The following MYO7B variants were observed in gnomAD, a reference collection of about 807,000 sequenced individuals.
MYO7B encodes the protein myosin VIIB.
A neutral mutation model predicts 259.7 loss-of-function variants in MYO7B; 212 were observed. The ratio of observed to expected loss-of-function variants is 0.82; its 90% CI spans 0.73 to 0.91. The LOEUF (loss-of-function observed/expected upper bound fraction) is 0.91. MYO7B is among the 40% of genes least tolerant of loss of function. The pLI is 0.00. For missense variants in MYO7B, 2,732 were observed against 2,813.5 expected, an observed-to-expected ratio of 0.97 and a Z score of 0.66; for synonymous variants, 1,197 against 1,166.4, an observed-to-expected ratio of 1.03 and a Z score of -0.54.
chr2:127,578,703 C>T (rs974483655), intron 9 of MYO7B, among the ~76,000 whole-genome samples: 3 of 152,136 alleles, frequency 2.0e-5, no homozygotes, highest in Admixed American at 2.0e-4. Flanking sequence ...AAAGCACCAG[C>T]AAGTTAGATT....
At chr2:127,549,898 T>C (rs1693382667) in intron 1 of MYO7B, among the ~76,000 whole-genome samples, 1 of 152,152 alleles carries the variant, frequency 6.6e-6, no homozygotes, top group African/African-American at 2.4e-5. Context: ...TTACCCCAAA[T>C]AATCAAACTG....
At chr2:127,564,772 GT>G (rs1268317197) in intron 3 of MYO7B, among the ~76,000 whole-genome samples, 1 of 152,220 alleles carries the variant, frequency 6.6e-6, no homozygotes, top group Admixed American at 6.5e-5. Flanking sequence ...CCAAGGAGAA[GT>G]TTCTAGGCTG....
intron 7 of MYO7B, among the ~76,000 whole-genome samples, chr2:127,575,068 G>GGGATGT: frequency 6.6e-6 from 1 of 152,292 alleles, no homozygotes; most frequent in East Asian, 1.9e-4. Flanking sequence ...ACCAACAGAG[G>GGGATGT]GGCTGTGGCT....
In MYO7B at chr2:127,631,260, T is replaced by C; in HGVS notation, c.4992T>C (p.Arg1664=). The C allele has an allele frequency of 6.2e-7, 1 of 1,611,272 alleles. No homozygotes were observed. The highest frequency in any genetic ancestry group is 8.5e-7 in the Non-Finnish European group (1 of 1,178,822). ...SMAVLPLARA[R]GHLWAYSCEP... The stretch of plus-strand genomic sequence containing the variant: ...CCGTGCTGCCCCTGGCCCGTGCCCG[T>C]GGCCACCTGTGGGCCTATTCCTGCG... Residue 1664 remains arginine, a synonymous_variant, in exon 37 of 48, where the codon CGT becomes CGC. Coordinates refer to ENST00000409816, the MANE Select transcript of MYO7B (RefSeq NM_001393586.1).
chr2:127,581,589 A>G (rs1679099870), intron 10 of MYO7B, among the ~76,000 whole-genome samples: 1 of 152,110 alleles, frequency 6.6e-6, no homozygotes, highest in East Asian at 1.9e-4. Flanking sequence ...GACTGATTTC[A>G]GTCAGGACAT....
chr2:127,558,304 T>G (rs1677912217), intron 1 of MYO7B, among the ~76,000 whole-genome samples: 1 of 152,186 alleles, frequency 6.6e-6, no homozygotes, highest in Admixed American at 6.5e-5. Flanking sequence ...TGATACCACC[T>G]TACTCCTACA....
Position 127,612,668 on chromosome 2 carries a change from A to G in MYO7B, c.3398+65A>G, listed in dbSNP as rs1017369673. ...AGATGCCCTCACTGGCTCTCAGCCCATGGCCACAGCCTCCCCCACCACCCC... is the reference window on the plus strand; with the variant it reads ...AGATGCCCTCACTGGCTCTCAGCCCGTGGCCACAGCCTCCCCCACCACCCC... On this transcript the variant is annotated intron_variant, in intron 26 of 47. Coordinates refer to ENST00000409816, the MANE Select transcript of MYO7B (RefSeq NM_001393586.1). 2.4e-5 allele frequency: 38 copies of G among 1,569,132 alleles called. No homozygotes were observed. In the Admixed American group the frequency reaches 3.7e-4, roughly 15 times the overall value.
Position 127,631,674 on chromosome 2 carries a change from A to G in MYO7B, c.5170A>G (p.Thr1724Ala), listed in dbSNP as rs1307646995. 6.2e-7 allele frequency: 1 copy of G among 1,613,020 alleles called. No individual in the cohort carries two copies. Among genetic ancestry groups the G allele is most frequent in the East Asian group, 2.2e-5 (1 of 44,882 alleles). The change falls in exon 38 of 48, where the codon ACA becomes GCA. Residue 1724 changes from threonine (T) to alanine (A), a missense_variant. Physicochemically the swap from Thr to Ala is moderately conservative, Grantham distance 58. This residue lies in a region of MYO7B where 821 missense variants were observed against 769.3 expected (regional missense o/e 1.07). Transcript: ENST00000409816. ...CCTGGAGCTCACCGACCAGATCTTC[A>G]CACTGGCCCTGCAGCACCCGGCCCT... ...PTLELTDQIF[T>A]LALQHPALQD...
chr2:127,578,085 T>G (rs1421672999), intron 8 of MYO7B, 48 bp from the exon 9 acceptor site: 1 of 1,601,400 alleles, frequency 6.2e-7, no homozygotes, highest in South Asian at 1.1e-5. Flanking sequence ...AGGAGGGAGG[T>G]GGTGGGGCAG....
Position 127,573,946 on chromosome 2 carries a change from AACG to A in MYO7B, c.622_624del (p.Asp208del). ...CTTTGGAAATGCCAAGACAATCCGCAACGACAACTCAAGCCGCTTTGGGAAGTA... is the reference window on the plus strand; with the variant it reads ...CTTTGGAAATGCCAAGACAATCCGCAACAACTCAAGCCGCTTTGGGAAGTA... On this transcript the variant is annotated inframe_deletion, in exon 7 of 48. Coordinates refer to ENST00000409816, the MANE Select transcript of MYO7B (RefSeq NM_001393586.1). 6.2e-7 allele frequency: 1 copy of A among 1,614,056 alleles called. No individual in the cohort carries two copies. The highest frequency in any genetic ancestry group is 8.5e-7 in the Non-Finnish European group (1 of 1,179,900).
chr2:127,624,498 T>C (rs978629417), intron 30 of MYO7B, among the ~76,000 whole-genome samples, 178 bp downstream of exon 30: 1 of 152,182 alleles, frequency 6.6e-6, no homozygotes, highest in Admixed American at 6.5e-5. Flanking sequence ...AGGCCACAGG[T>C]ATGTCCAAGC....
intron 17 of MYO7B, 131 bp downstream of exon 17, chr2:127,593,077 C>A (rs1679630682): frequency 4.2e-6 from 5 of 1,196,388 alleles, no homozygotes; most frequent in Non-Finnish European, 5.8e-6. Flanking sequence ...TGAGCCCTGT[C>A]CTTCCTCCCT....
chr2:127,631,318 C>T lies in MYO7B; in HGVS notation c.5050C>T (p.His1684Tyr), dbSNP rs770288893. Reference protein sequence around the residue: ...PLRQPLLKRVHANVDLWDIAC... With the variant: ...PLRQPLLKRVYANVDLWDIAC... Reference sequence around the variant, plus strand: ...GCGACAGCCGCTGCTCAAGCGAGTCCACGCCAACGTCGACCTCTGGGACAT... The same window carrying T: ...GCGACAGCCGCTGCTCAAGCGAGTCTACGCCAACGTCGACCTCTGGGACAT... Residue 1684 changes from histidine to tyrosine, a missense_variant, in exon 37 of 48, where the codon CAC becomes TAC. By Grantham distance (83) the His-to-Tyr change is moderately conservative. Transcript: ENST00000409816. 6 of 1,612,046 alleles carry T rather than the reference C, an allele frequency of 3.7e-6. No homozygotes were observed. The highest frequency in any genetic ancestry group is 3.3e-5 in the South Asian group (3 of 91,054).
intron 1 of MYO7B, among the ~76,000 whole-genome samples, chr2:127,558,709 C>T (rs907285702): frequency 1.1e-4 from 16 of 152,058 alleles, no homozygotes; most frequent in African/African-American, 3.9e-4. Flanking sequence ...TACTACTCAG[C>T]CATAAAAAGG....
At chr2:127,587,811 C>T (rs1302187850) in intron 14 of MYO7B, among the ~76,000 whole-genome samples, 1 of 152,148 alleles carries the variant, frequency 6.6e-6, no homozygotes, top group Non-Finnish European at 1.5e-5. Context: ...TTGTGATCCA[C>T]CTGCCTCAGC....
rs556507548 is a variant in MYO7B, at chr2:127,630,560, G to A, written c.4807-218G>A. On this transcript the variant is annotated intron_variant, in intron 35 of 47. Transcript: ENST00000409816. ...GGGTGATGTGGGTGCCACAGCCATT[G>A]GCACTCACCCTCCCAAGGGAAAGGA... is the stretch of plus-strand genomic sequence containing the variant. 5.9e-5 allele frequency among the ~76,000 whole-genome samples: 9 copies of A among 152,280 alleles called. No individual in the cohort carries two copies. In the East Asian group the frequency reaches 7.7e-4, roughly 13 times the overall value.
chr2:127,633,348 C>T lies in MYO7B; in HGVS notation c.5496C>T (p.Pro1832=). The T allele has an allele frequency of 6.2e-7, 1 of 1,612,960 alleles. No homozygotes were observed. Residue 1832 remains proline (P), a synonymous_variant, in exon 40 of 48, where the codon CCC becomes CCT. Coordinates refer to ENST00000409816, the MANE Select transcript of MYO7B (RefSeq NM_001393586.1). ...GCATCTGCCACAAGATCTACTTCCC[C>T]AATGACACCAGTGAGGTGAGGCCCT... The part of the protein sequence containing the change: ...VSRICHKIYF[P]NDTSEMLEVV...
intron 1 of MYO7B, among the ~76,000 whole-genome samples, chr2:127,543,956 A>G (rs1693114185): frequency 6.6e-6 from 1 of 152,102 alleles, no homozygotes; most frequent in African/African-American, 2.4e-5. Flanking sequence ...CGTGTTAGCC[A>G]GGATGGTCTG....
Position 127,628,138 on chromosome 2 carries a change from C to T in MYO7B, c.4461-234C>T. The T allele has an allele frequency of 1.5e-6, 1 of 670,422 alleles. No homozygotes were observed. The highest frequency in any genetic ancestry group is 1.5e-5 in the South Asian group (1 of 66,514). 41.5% of individuals were successfully genotyped at this position (670,422 alleles called of 1,614,324 possible). On this transcript the variant is annotated intron_variant, in intron 33 of 47. Coordinates refer to ENST00000409816, the MANE Select transcript of MYO7B (RefSeq NM_001393586.1). This position sits in a 1 kb window ranked among gnomAD's most constrained non-coding sequence, Gnocchi z 4.8. ...CACCAGCCACCTCATTATCTGCCCA[C>T]AGCCAACCCCACACATGGGCTGCAC...
Sources: allele counts gnomAD v4.1 joint callset (sites outside exome capture counted in the v4.1 genomes callset), GRCh38; gene constraint gnomAD v4.1.1; regional missense constraint gnomAD v4.1.1; non-coding constraint Gnocchi (gnomAD v3.1); transcripts MANE v1.5; gene names NCBI Gene and HGNC (gene_info 2026-07-23, HGNC 2026-07-21).